Variants in MAP3K5 observed in about 807,000 individuals in gnomAD.
MAP3K5 encodes the protein mitogen-activated protein kinase kinase kinase 5.
A neutral mutation model predicts 158.7 loss-of-function variants in MAP3K5; 56 were observed. The ratio of observed to expected loss-of-function variants is 0.35; its 90% CI spans 0.28 to 0.44. The LOEUF (loss-of-function observed/expected upper bound fraction) is 0.44. MAP3K5 is among the 20% of genes least tolerant of loss of function. The pLI, the probability that MAP3K5 is intolerant of heterozygous loss-of-function variation, is 1.00. For missense variants in MAP3K5, 1,294 were observed against 1,674.8 expected (o/e 0.77, Z 3.97); for synonymous variants, 579 against 601.7 (o/e 0.96, Z 0.55).
intron 7 of MAP3K5, among the ~76,000 whole-genome samples, chr6:136,673,706 T>C (rs550756655): frequency 1.9e-5 from 2 of 106,492 alleles, no homozygotes; most frequent in African/African-American, 7.8e-5. Context: ...GAAGCAGAGA[T>C]ATAGAAAAAA....
At chr6:136,756,540 C>T (rs1267548187) in intron 1 of MAP3K5, among the ~76,000 whole-genome samples, 2 of 152,078 alleles carry the variant, frequency 1.3e-5, no homozygotes, top group African/African-American at 4.8e-5. Flanking sequence ...CCTCCGCCTC[C>T]CTGCAACCTC....
At chr6:136,727,617 A>C (rs1216602516) in intron 1 of MAP3K5, among the ~76,000 whole-genome samples, 1 of 152,214 alleles carries the variant, frequency 6.6e-6, no homozygotes, top group Non-Finnish European at 1.5e-5. Context: ...TAATTATCTA[A>C]TTGAGTTGTT....
chr6:136,647,263 A>T (rs1457567258), intron 11 of MAP3K5, among the ~76,000 whole-genome samples: 1 of 152,234 alleles, frequency 6.6e-6, no homozygotes, highest in African/African-American at 2.4e-5. Context: ...CACTTGTTCC[A>T]AGCCACTTAG....
At chr6:136,708,455 C>T (rs1781169283) in intron 2 of MAP3K5, among the ~76,000 whole-genome samples, 1 of 151,942 alleles carries the variant, frequency 6.6e-6, no homozygotes, top group South Asian at 2.1e-4. Flanking sequence ...GGGGTTTCAC[C>T]ATGTTTCCCA....
At chr6:136,667,669 C>CA (rs2114514025) in intron 8 of MAP3K5, among the ~76,000 whole-genome samples, 1 of 150,316 alleles carries the variant, frequency 6.7e-6, no homozygotes, top group South Asian at 2.1e-4. Context: ...GGCAACATGG[C>CA]AAAACCTCAT....
In MAP3K5 at chr6:136,645,154, A is replaced by G. The variant is rs1057244193; in HGVS notation, c.1789-2585T>C. Among the ~76,000 whole-genome samples the G allele has an allele frequency of 4.6e-5, 7 of 152,000 alleles. No individual in the cohort carries two copies. In the South Asian group the frequency reaches 1.5e-3, roughly 32 times the overall value. On this transcript the variant is annotated intron_variant, in intron 11 of 29. Coordinates refer to ENST00000359015, the MANE Select transcript of MAP3K5 (RefSeq NM_005923.4). ...TGCTACATTGCTCAGGCTGGTCTTG[A>G]ACTCCTGGCCTCAAGCAATCCTCCT...
chr6:136,791,263 A>G (rs1241255005), intron 1 of MAP3K5, among the ~76,000 whole-genome samples: 2 of 152,206 alleles, frequency 1.3e-5, no homozygotes, highest in African/African-American at 4.8e-5. Context: ...CTCTGCGTGC[A>G]TGGTATGTCA....
intron 28 of MAP3K5, among the ~76,000 whole-genome samples, chr6:136,559,649 A>G (rs1375819199): frequency 6.6e-6 from 1 of 152,188 alleles, no homozygotes; most frequent in Admixed American, 6.5e-5. Context: ...ACTGTAATTC[A>G]CCATAAAAGC....
intron 7 of MAP3K5, among the ~76,000 whole-genome samples, chr6:136,676,793 CTTT>C (rs67161871): frequency 1.3e-4 from 17 of 130,718 alleles, no homozygotes; most frequent in Admixed American, 3.0e-4. Context: ...CTTTTCTTTT[CTTT>C]TTTTTTTTTT....
intron 8 of MAP3K5, among the ~76,000 whole-genome samples, chr6:136,663,993 G>A (rs2099288548): frequency 6.6e-6 from 1 of 152,084 alleles, no homozygotes; most frequent in African/African-American, 2.4e-5. Context: ...GTGCCATGGT[G>A]CAGGGTCCTC....
intron 11 of MAP3K5, among the ~76,000 whole-genome samples, chr6:136,644,223 C>T (rs1380317579): frequency 1.3e-5 from 2 of 152,138 alleles, no homozygotes; most frequent in African/African-American, 4.8e-5. Context: ...TGAAAGGTTG[C>T]CAGTGCTGCC....
chr6:136,584,236 C>T (rs1362472518), intron 23 of MAP3K5, among the ~76,000 whole-genome samples: 1 of 152,076 alleles, frequency 6.6e-6, no homozygotes, highest in African/African-American at 2.4e-5. Context: ...TGAAAGTCTG[C>T]CCGGAAAGAG....
chr6:136,584,761 A>G (rs1289743892), intron 23 of MAP3K5, among the ~76,000 whole-genome samples: 2 of 152,178 alleles, frequency 1.3e-5, no homozygotes, highest in Non-Finnish European at 2.9e-5. Flanking sequence ...AAGCCAGAGA[A>G]AAGATGTGCA....
intron 1 of MAP3K5, among the ~76,000 whole-genome samples, chr6:136,770,489 CAT>C (rs1292760568): frequency 6.6e-6 from 1 of 152,178 alleles, no homozygotes; most frequent in Non-Finnish European, 1.5e-5. Context: ...TCTCATCAAT[CAT>C]AGTACATTTC....
At chr6:136,673,657 G>C (rs1779575532) in intron 7 of MAP3K5, among the ~76,000 whole-genome samples, 1 of 151,136 alleles carries the variant, frequency 6.6e-6, no homozygotes, top group African/African-American at 2.4e-5. Context: ...AAACAGTTTT[G>C]GTGAACTAAA....
intron 1 of MAP3K5, among the ~76,000 whole-genome samples, chr6:136,774,953 A>G (rs749695235): frequency 3.3e-5 from 5 of 152,228 alleles, no homozygotes; most frequent in African/African-American, 9.6e-5. Context: ...CTTCTTAGTC[A>G]TATCACGTAT....
intron 1 of MAP3K5, among the ~76,000 whole-genome samples, chr6:136,756,382 G>T (rs1783483660): frequency 6.6e-6 from 1 of 152,160 alleles, no homozygotes; most frequent in African/African-American, 2.4e-5. Flanking sequence ...AAGTCAGAGT[G>T]CAATGAAATG....
rs777804178 is a variant in MAP3K5 at position 136,617,064 on chromosome 6, T to C, written c.2151-2778A>G. On this transcript the variant is annotated intron_variant, in intron 15 of 29. Transcript: ENST00000359015. ...AGACTCCCACCTCCTGATTCTCTAC[T>C]GAAAATCAAAACATCAATGCTTAAA... Among the ~76,000 whole-genome samples, 11 of 152,252 alleles carry C rather than the reference T, an allele frequency of 7.2e-5. 1 individual carries two copies. Among genetic ancestry groups the C allele is most frequent in the Middle Eastern group, 6.8e-3 (2 of 294 alleles).
At chr6:136,758,849 C>G (rs922189954) in intron 1 of MAP3K5, among the ~76,000 whole-genome samples, 1 of 152,222 alleles carries the variant, frequency 6.6e-6, no homozygotes, top group African/African-American at 2.4e-5. Context: ...CTGTTTCTGC[C>G]TATGTTTCTA....
Sources: gnomAD v4.1 joint callset for allele counts (sites outside exome capture counted in the v4.1 genomes callset) on GRCh38, gnomAD v4.1.1 for gene constraint, MANE v1.5 for transcripts, NCBI Gene and HGNC (gene_info 2026-07-23, HGNC 2026-07-21) for gene names.